Variants in SRCIN1 observed in about 807,000 individuals in gnomAD.
SRCIN1 encodes P130Cas-associated protein.
Under a neutral mutation model 116.2 loss-of-function variants are expected in SRCIN1, and 50 were observed. That is an observed-to-expected ratio of 0.43 (90% CI 0.34 to 0.54). The LOEUF is 0.54. Ranked by LOEUF, SRCIN1 falls within the 20% of genes least tolerant of loss-of-function variation. The probability of loss-of-function intolerance (pLI) is 0.02; values close to 1 mark genes in which losing one functional copy is unlikely to be tolerated. For missense variants in SRCIN1, 1,446 were observed against 1,672.0 expected, an observed-to-expected ratio of 0.86 and a Z score of 2.36; for synonymous variants, 736 against 750.0, an observed-to-expected ratio of 0.98 and a Z score of 0.30.
At chr17:38,549,389 G>A (rs1194310070) in intron 15 of SRCIN1, among the ~76,000 whole-genome samples, 179 bp from the exon 16 acceptor site, 1 of 152,090 alleles carries the variant, frequency 6.6e-6, no homozygotes, top group African/African-American at 2.4e-5. Flanking sequence ...CTGCACACAA[G>A]CCCCAAGCCC....
Position 38,568,373 on chromosome 17 carries a change from G to C in SRCIN1, c.325-142C>G. On this transcript the variant is annotated intron_variant, in intron 2 of 18. Coordinates refer to ENST00000617146, the MANE Select transcript of SRCIN1 (RefSeq NM_025248.3). The surrounding 1 kb of genome is among the most constrained non-coding windows in gnomAD (Gnocchi z 4.5). ...CCACCCTCCCAGGAGCAGGAATGAA[G>C]TCATGCCTGGTACATCCATTCTCTA... The C allele has an allele frequency of 1.3e-6, 1 of 779,956 alleles. No homozygotes were observed. Among genetic ancestry groups the C allele is most frequent in the Non-Finnish European group, 2.2e-6 (1 of 455,916 alleles). The allele number at this position is 779,956 out of a possible 1,614,324, so 48.3% of individuals were successfully genotyped here. A position where few individuals can be genotyped will look rare whatever the true frequency, so the allele number is the denominator to read the frequency against.
chr17:38,537,972 C>T (rs1439079244), intron 18 of SRCIN1, among the ~76,000 whole-genome samples: 3 of 151,072 alleles, frequency 2.0e-5, no homozygotes, highest in African/African-American at 4.9e-5. Context: ...CAGTGGCAGG[C>T]ACCTGTAATC....
At chr17:38,592,975 C>T (rs1908520852) in intron 1 of SRCIN1, among the ~76,000 whole-genome samples, 1 of 152,172 alleles carries the variant, frequency 6.6e-6, no homozygotes, top group African/African-American at 2.4e-5. Flanking sequence ...TCCCTATCAT[C>T]CTCATGCATC....
At chr17:38,546,107 G>A (rs1275444151) in intron 17 of SRCIN1, among the ~76,000 whole-genome samples, 3 of 152,164 alleles carry the variant, frequency 2.0e-5, no homozygotes, top group East Asian at 1.9e-4. Context: ...CCCTGGCCTC[G>A]GTGAGGGCAC....
At position 38,533,235 on chromosome 17, in the gene SRCIN1, G is replaced by T; in HGVS notation, c.*62C>A. 1 of 1,503,000 alleles carries T rather than the reference G, an allele frequency of 6.7e-7. No individual in the cohort carries two copies. Among genetic ancestry groups the T allele is most frequent in the South Asian group, 1.3e-5 (1 of 76,326 alleles). 93.1% of individuals were successfully genotyped at this position (1,503,000 alleles called of 1,614,324 possible). A position where few individuals can be genotyped will look rare whatever the true frequency, so the allele number is the denominator to read the frequency against. The stretch of plus-strand genomic sequence containing the variant: ...GTGGGGTGGGGTGGAGATGAAGGAA[G>T]AGAGGGGAGAAATGGCAGGAGTGAG... On this transcript the variant is annotated 3_prime_UTR_variant, in exon 19 of 19. Coordinates refer to ENST00000617146, the MANE Select transcript of SRCIN1 (RefSeq NM_025248.3).
intron 3 of SRCIN1, among the ~76,000 whole-genome samples, chr17:38,566,594 G>T (rs1597909440): frequency 6.6e-6 from 1 of 152,230 alleles, no homozygotes; most frequent in East Asian, 1.9e-4. Flanking sequence ...CCCAGAGGTT[G>T]TCCATAGACT....
At chr17:38,559,163 G>A (rs555187064) in intron 10 of SRCIN1, 2 of 209,164 alleles carry the variant, frequency 9.6e-6, no homozygotes, top group South Asian at 2.2e-4. Flanking sequence ...AGACTGTTGG[G>A]GCTCAGGAGG....
At position 38,578,700 on chromosome 17, in the gene SRCIN1, G is replaced by C. The variant is rs1019302660; in HGVS notation, c.114C>G (p.Gly38=). ...YRTLGGGGGG[G]SGGRRFSNVG... ...CGTTGGAGAAGCGCCGGCCCCCGCT[G>C]CCCCCGCCGCCCCCGCCCCCCAGGG... is the stretch of plus-strand genomic sequence containing the variant. Residue 38 remains glycine, a synonymous_variant, in exon 2 of 19, where the codon GGC becomes GGG. Transcript: ENST00000617146. 2 of 1,531,962 alleles carry C rather than the reference G, an allele frequency of 1.3e-6. No homozygotes were observed. The highest frequency in any genetic ancestry group is 2.8e-5 in the African/African-American group (2 of 72,696). 94.9% of individuals were successfully genotyped at this position (1,531,962 alleles called of 1,614,324 possible). A position where few individuals can be genotyped will look rare whatever the true frequency, so the allele number is the denominator to read the frequency against.
Position 38,568,644 on chromosome 17 carries a change from G to A in SRCIN1, c.325-413C>T, listed in dbSNP as rs1048491713. Among the ~76,000 whole-genome samples, 13 of 152,142 alleles carry A rather than the reference G, an allele frequency of 8.5e-5. No individual in the cohort carries two copies. The highest frequency in any genetic ancestry group is 1.5e-5 in the Non-Finnish European group (1 of 68,030). On this transcript the variant is annotated intron_variant, in intron 2 of 18. Coordinates refer to ENST00000617146, the MANE Select transcript of SRCIN1 (RefSeq NM_025248.3). The surrounding 1 kb of genome is among the most constrained non-coding windows in gnomAD (Gnocchi z 4.5). ...AAAACGAGCAGCTGGAGACTGGAAG[G>A]AGAGGCCTGCTGGGCAGAGGGGAAG...
In SRCIN1 at chr17:38,531,577, T is replaced by TG; in HGVS notation, c.*1719_*1720insC. 1 of 146,200 alleles carries TG rather than the reference T, an allele frequency of 6.8e-6. No homozygotes were observed. The highest frequency in any genetic ancestry group is 2.5e-5 in the African/African-American group (1 of 40,316). The allele number at this position is 146,200 out of a possible 1,614,324, so 9.1% of individuals were successfully genotyped here. On this transcript the variant is annotated 3_prime_UTR_variant, in exon 19 of 19. Transcript: ENST00000617146. ...TTTTTTTTTTTCTATTTTCCAGGGT[T>TG]TTTTTTTTTTTCCAGGAGGGATTTT... is the stretch of plus-strand genomic sequence containing the variant.
At chr17:38,579,578 TC>T (rs1260082043) in intron 1 of SRCIN1, among the ~76,000 whole-genome samples, 1 of 151,660 alleles carries the variant, frequency 6.6e-6, no homozygotes, top group Non-Finnish European at 1.5e-5. Context: ...CCAGGGGCTT[TC>T]CCCCCACCTC....
rs1380216722 is a variant in SRCIN1 at position 38,561,784 on chromosome 17, G to A, written c.1379C>T (p.Pro460Leu). Residue 460 changes from proline (P) to leucine (L), a missense_variant, in exon 7 of 19, where the codon CCG (proline) becomes CTG (leucine). Coordinates refer to ENST00000617146, the MANE Select transcript of SRCIN1 (RefSeq NM_025248.3). ...SLYKAAGGGG[P>L]LYGDGYGFRL... ...GAAGCCGTAGCCGTCGCCGTACAGC[G>A]GGCCGCCGCCGCCCGCCGCCTTGTA... is the stretch of plus-strand genomic sequence containing the variant. 8 of 1,486,468 alleles carry A rather than the reference G, an allele frequency of 5.4e-6. No homozygotes were observed. In the South Asian group the frequency reaches 6.4e-5, roughly 12 times the overall value. 92.1% of individuals were successfully genotyped at this position (1,486,468 alleles called of 1,614,324 possible).
At chr17:38,542,827 G>GA (rs1904830388) in intron 18 of SRCIN1, 1 of 300,338 alleles carries the variant, frequency 3.3e-6, no homozygotes, top group African/African-American at 2.2e-5. Context: ...AAAAGAGATG[G>GA]ACTCACCCAT....
chr17:38,534,295 CA>C (rs2040969742), intron 18 of SRCIN1, among the ~76,000 whole-genome samples: 1 of 152,214 alleles, frequency 6.6e-6, no homozygotes, highest in Non-Finnish European at 1.5e-5. Context: ...CTCTGGCATG[CA>C]TCGTGAATGC....
At chr17:38,548,447 G>A in intron 17 of SRCIN1, 110 bp downstream of exon 17, 4 of 1,368,288 alleles carry the variant, frequency 2.9e-6, no homozygotes, top group Non-Finnish European at 4.0e-6. Context: ...CGCTCCGCAG[G>A]GAGCCCGAGA....
At position 38,585,798 on chromosome 17, in the gene SRCIN1, T is replaced by A. The variant is rs1908080300; in HGVS notation, c.23-7007A>T. Among the ~76,000 whole-genome samples, 1 of 152,192 alleles carries A rather than the reference T, an allele frequency of 6.6e-6. No individual in the cohort carries two copies. The highest frequency in any genetic ancestry group is 2.4e-5 in the African/African-American group (1 of 41,456). On this transcript the variant is annotated intron_variant, in intron 1 of 18. Transcript: ENST00000617146. The surrounding 1 kb of genome is among the most constrained non-coding windows in gnomAD (Gnocchi z 4.2). ...TACCCAGCGCCCTGTTGAGTCTCCC[T>A]GTCACTCCAACTAAAGCCTCGGAGA...
intron 11 of SRCIN1, among the ~76,000 whole-genome samples, chr17:38,553,166 G>A (rs942710747): frequency 3.3e-5 from 5 of 152,180 alleles, no homozygotes; most frequent in Admixed American, 3.3e-4. Context: ...TAAGGCAGGG[G>A]GAATCACTTG....
intron 2 of SRCIN1, among the ~76,000 whole-genome samples, chr17:38,577,627 C>A (rs1907498116): frequency 6.6e-6 from 1 of 152,180 alleles, no homozygotes; most frequent in Non-Finnish European, 1.5e-5. Context: ...CCCAGGGGTA[C>A]AATGGCTGAG....
intron 1 of SRCIN1, among the ~76,000 whole-genome samples, chr17:38,579,976 A>G (rs1394077474): frequency 6.6e-6 from 1 of 152,076 alleles, no homozygotes. Flanking sequence ...CAGCCCCACA[A>G]TCCACCAGCC....
Sources: gnomAD v4.1 joint callset for allele counts (sites outside exome capture counted in the v4.1 genomes callset) on GRCh38, gnomAD v4.1.1 for gene constraint, Gnocchi (gnomAD v3.1) non-coding constraint, MANE v1.5 for transcripts, NCBI Gene and HGNC (gene_info 2026-07-23, HGNC 2026-07-21) for gene names.